BIN1: variants seen among roughly 807,000 people sequenced by gnomAD.
The protein encoded by BIN1 is bridging integrator 1, also known as myc box-dependent-interacting protein 1.
In BIN1, 53 loss-of-function variants were observed where a neutral mutation model predicts 82.0. The observed-to-expected ratio is 0.65, with a 90% confidence interval of 0.52 to 0.81. BIN1 has a LOEUF of 0.81. Ranked by LOEUF, BIN1 falls within the 40% of genes least tolerant of loss-of-function variation. The probability of loss-of-function intolerance (pLI) is 0.00; values close to 1 mark genes in which losing one functional copy is unlikely to be tolerated. For missense variants in BIN1, 642 were observed against 784.4 expected (o/e 0.82, Z 2.17); for synonymous variants, 302 against 328.0 (o/e 0.92, Z 0.86).
At chr2:127,084,864 C>G (rs762891052) in intron 1 of BIN1, among the ~76,000 whole-genome samples, 9 of 152,218 alleles carry the variant, frequency 5.9e-5, no homozygotes, top group Non-Finnish European at 8.8e-5. Context: ...CTGCCCCAGG[C>G]TGGTGACTGC....
At chr2:127,071,513 G>A (rs1268444462) in intron 2 of BIN1, among the ~76,000 whole-genome samples, 1 of 152,172 alleles carries the variant, frequency 6.6e-6, no homozygotes, top group Non-Finnish European at 1.5e-5. Context: ...GTCCTCCAGG[G>A]GCTTCCTGAG....
At chr2:127,079,359 A>G (rs1245918019) in intron 1 of BIN1, among the ~76,000 whole-genome samples, 1 of 152,230 alleles carries the variant, frequency 6.6e-6, no homozygotes, top group African/African-American at 2.4e-5. Context: ...GCAGAGCAGT[A>G]CCTGGCCCAT....
intron 11 of BIN1, 113 bp downstream of exon 11, chr2:127,058,898 C>T: frequency 2.0e-6 from 3 of 1,464,466 alleles, no homozygotes; most frequent in Non-Finnish European, 2.8e-6. Flanking sequence ...GCATCGGGTC[C>T]ATAGCTGCCC....
At chr2:127,097,281 C>T (rs1291090039) in intron 1 of BIN1, among the ~76,000 whole-genome samples, 2 of 152,160 alleles carry the variant, frequency 1.3e-5, no homozygotes, top group Non-Finnish European at 2.9e-5. Context: ...GCTCTCCAGG[C>T]CCAGCAGCGT....
chr2:127,059,135 C>T lies in BIN1; in HGVS notation c.878G>A (p.Gly293Glu). The change falls in exon 11 of 19, where the codon GGG becomes GAG. Residue 293 changes from glycine (G) to glutamate (E), a missense_variant. Coordinates refer to ENST00000316724, the MANE Select transcript of BIN1 (RefSeq NM_139343.3). The surrounding 1 kb of genome is among the most constrained non-coding windows in gnomAD (Gnocchi z 6.7). ...ATCTGGAGGCGAAGGGCTCTTGTTCCCTTTTGCAGGCGCGTTGTCACTGTG... is the reference window on the plus strand; with the variant it reads ...ATCTGGAGGCGAAGGGCTCTTGTTCTCTTTTGCAGGCGCGTTGTCACTGTG... ...AQPSDNAPAK[G>E]NKSPSPPDGS... The T allele has an allele frequency of 6.3e-7, 1 of 1,585,182 alleles. No homozygotes were observed. The highest frequency in any genetic ancestry group is 1.2e-5 in the South Asian group (1 of 86,534).
intron 1 of BIN1, among the ~76,000 whole-genome samples, chr2:127,089,761 G>T (rs1460091656): frequency 1.3e-5 from 2 of 152,184 alleles, no homozygotes; most frequent in Non-Finnish European, 2.9e-5. Flanking sequence ...AAGGTGCTGG[G>T]AGCAGGCCCA....
intron 1 of BIN1, among the ~76,000 whole-genome samples, 167 bp downstream of exon 1, chr2:127,106,693 G>A (rs1681178897): frequency 1.3e-5 from 2 of 152,172 alleles, no homozygotes; most frequent in Non-Finnish European, 2.9e-5. Context: ...AGAGCGCCGG[G>A]GAACGCAGCC....
At chr2:127,070,424 C>A in intron 4 of BIN1, 129 bp downstream of exon 4, 1 of 1,156,678 alleles carries the variant, frequency 8.6e-7, no homozygotes, top group Non-Finnish European at 1.3e-6. Context: ...GGGCAGCTTG[C>A]CCCAGGGCAC....
At chr2:127,106,220 G>T (rs370662425) in intron 1 of BIN1, among the ~76,000 whole-genome samples, 4 of 152,312 alleles carry the variant, frequency 2.6e-5, no homozygotes, top group African/African-American at 9.6e-5. Context: ...ACCTCCTTGC[G>T]GGGTGCGTAG....
chr2:127,077,684 G>A (rs1463795417), intron 1 of BIN1, among the ~76,000 whole-genome samples: 1 of 152,024 alleles, frequency 6.6e-6, no homozygotes, highest in Non-Finnish European at 1.5e-5. Context: ...AAGAGCAGGA[G>A]AAGAAAAAGA....
intron 4 of BIN1, 89 bp downstream of exon 4, chr2:127,070,464 G>T: frequency 6.7e-7 from 1 of 1,492,628 alleles, no homozygotes; most frequent in East Asian, 2.3e-5. Context: ...GAACCAGAGA[G>T]GCTTGTCCCA....
At chr2:127,058,405 C>G (rs1683983867) in intron 11 of BIN1, among the ~76,000 whole-genome samples, 1 of 152,156 alleles carries the variant, frequency 6.6e-6, no homozygotes, top group Non-Finnish European at 1.5e-5. Context: ...GGATCCCCGG[C>G]TATGAGAACA....
chr2:127,086,139 G>A (rs1002227807), intron 1 of BIN1, among the ~76,000 whole-genome samples: 53 of 152,166 alleles, frequency 3.5e-4, no homozygotes, highest in African/African-American at 1.2e-3. Flanking sequence ...GGTGATGACC[G>A]TTGGTCCTAT....
Position 127,059,113 on chromosome 2 carries a change from TG to T in BIN1, c.899del (p.Pro300GlnfsTer73). 6.3e-7 allele frequency: 1 copy of T among 1,594,188 alleles called. No individual in the cohort carries two copies. The highest frequency in any genetic ancestry group is 8.5e-7 in the Non-Finnish European group (1 of 1,171,368). ...CGGGGGTGGCGGCAGGGGAGCCATC[TG>T]GAGGCGAAGGGCTCTTGTTCCCTTT... is the stretch of plus-strand genomic sequence containing the variant. ...PAKGNKSPSP[P>X]DGSPAATPEI... is the part of the protein sequence containing the mutation. On this transcript the variant is annotated frameshift_variant, in exon 11 of 19. Transcript: ENST00000316724. LOFTEE classifies it high-confidence loss of function. The surrounding 1 kb of genome is among the most constrained non-coding windows in gnomAD (Gnocchi z 6.7).
intron 1 of BIN1, among the ~76,000 whole-genome samples, chr2:127,105,796 G>A (rs1026664354): frequency 2.0e-5 from 3 of 152,152 alleles, no homozygotes; most frequent in Non-Finnish European, 4.4e-5. Context: ...TCCACCCGGC[G>A]GCCGCGCAGC....
At chr2:127,048,690 G>T in intron 18 of BIN1, 57 bp from the exon 19 acceptor site, 1 of 1,538,130 alleles carries the variant, frequency 6.5e-7, no homozygotes, top group Non-Finnish European at 9.0e-7. Flanking sequence ...ACCCCACAGG[G>T]CACGCATCCC....
chr2:127,098,882 G>A (rs1573805491), intron 1 of BIN1, among the ~76,000 whole-genome samples: 1 of 152,334 alleles, frequency 6.6e-6, no homozygotes, highest in East Asian at 1.9e-4. Context: ...GCTGGGCCTG[G>A]GCCAATCACA....
chr2:127,051,048 A>G (rs1682876167), intron 16 of BIN1, 106 bp downstream of exon 16: 1 of 1,536,096 alleles, frequency 6.5e-7, no homozygotes, highest in South Asian at 1.1e-5. Context: ...AGCTTCCTCA[A>G]CAGGAGCCAG....
At chr2:127,089,161 C>G (rs567600889) in intron 1 of BIN1, among the ~76,000 whole-genome samples, 1 of 152,146 alleles carries the variant, frequency 6.6e-6, no homozygotes. Flanking sequence ...CCCAGGGTCA[C>G]GCAGCCAGGC....
Sources: allele counts gnomAD v4.1 joint callset (sites outside exome capture counted in the v4.1 genomes callset), GRCh38; gene constraint gnomAD v4.1.1; non-coding constraint Gnocchi (gnomAD v3.1); transcripts MANE v1.5; gene names NCBI Gene and HGNC (gene_info 2026-07-23, HGNC 2026-07-21).